Variants in GNAS observed in about 807,000 individuals in gnomAD.
The protein encoded by GNAS is protein ALEX.
A neutral mutation model predicts 54.5 loss-of-function variants in GNAS; 8 were observed. That is an observed-to-expected ratio of 0.15 (90% CI 0.09 to 0.26). The LOEUF (loss-of-function observed/expected upper bound fraction) is 0.26. GNAS is among the 10% of genes least tolerant of loss of function. The pLI is 1.00. For synonymous variants in GNAS, 204 were observed against 191.4 expected, an observed-to-expected ratio of 1.07 and a Z score of -0.54; for missense variants, 170 against 529.8, an observed-to-expected ratio of 0.32 and a Z score of 6.67.
chr20:58,891,905 C>T (rs913501126), intron 1 of GNAS, 40 bp downstream of exon 1: 42 of 995,712 alleles, frequency 4.2e-5, no homozygotes, highest in Admixed American at 1.2e-4. Context: ...GCCCGGGGGC[C>T]CTCGAAGGGC....
intron 1 of GNAS, among the ~76,000 whole-genome samples, chr20:58,845,787 G>A (rs2085920232): frequency 6.6e-6 from 1 of 152,172 alleles, no homozygotes; most frequent in South Asian, 2.1e-4. Flanking sequence ...ACAGCCTAGT[G>A]ACTTAGTTCT....
At chr20:58,895,043 C>G (rs1033791622) in intron 1 of GNAS, 1 of 165,794 alleles carries the variant, frequency 6.0e-6, no homozygotes, top group Admixed American at 5.9e-5. Context: ...TTTTAAGTAG[C>G]CCAAGGGGTA....
intron 6 of GNAS, among the ~76,000 whole-genome samples, chr20:58,908,332 A>C (rs1444034913): frequency 6.6e-6 from 1 of 152,180 alleles, no homozygotes; most frequent in Non-Finnish European, 1.5e-5. Flanking sequence ...TGCTTTTTTT[A>C]ATGAAAAGCG....
intron 1 of GNAS, chr20:58,842,546 C>T (rs1233368429): frequency 1.0e-5 from 4 of 398,488 alleles, no homozygotes; most frequent in South Asian, 1.3e-4. Flanking sequence ...GTGGTCTTCC[C>T]TAGTAAATAC....
At chr20:58,862,381 A>C (rs2086827434) in intron 1 of GNAS, among the ~76,000 whole-genome samples, 1 of 150,698 alleles carries the variant, frequency 6.6e-6, no homozygotes, top group Admixed American at 6.6e-5. Context: ...CTGGTCTTGA[A>C]CTCCTGACCT....
chr20:58,904,128 T>G (rs535088255), intron 5 of GNAS, among the ~76,000 whole-genome samples: 2 of 152,340 alleles, frequency 1.3e-5, no homozygotes, highest in East Asian at 3.9e-4. Context: ...AAAAAGGTCC[T>G]GAGCTATGGC....
chr20:58,899,547 C>T lies in GNAS; in HGVS notation c.257+562C>T, dbSNP rs2090395990. 11 of 539,396 alleles carry T rather than the reference C, an allele frequency of 2.0e-5. 1 individual carries two copies. Among genetic ancestry groups the T allele is most frequent in the Admixed American group, 1.8e-4 (8 of 43,876 alleles). 33.4% of individuals were successfully genotyped at this position (539,396 alleles called of 1,614,324 possible). A position where few individuals can be genotyped will look rare whatever the true frequency, so the allele number is the denominator to read the frequency against. On this transcript the variant is annotated intron_variant, in intron 3 of 12. Coordinates refer to ENST00000371085, the MANE Select transcript of GNAS (RefSeq NM_000516.7). ...ATCAAATTTATTTGAATCAAAGGCACTTTACGTTAGCTTGGTGGATAAGGA... is the reference window on the plus strand; with the variant it reads ...ATCAAATTTATTTGAATCAAAGGCATTTTACGTTAGCTTGGTGGATAAGGA...
intron 1 of GNAS, chr20:58,884,842 T>G (rs1443015363): frequency 6.6e-6 from 1 of 152,242 alleles, no homozygotes. Flanking sequence ...TTGATGTTGA[T>G]GTACCTCAAA....
At chr20:58,902,200 C>T (rs770180460) in intron 3 of GNAS, among the ~76,000 whole-genome samples, 4 of 152,242 alleles carry the variant, frequency 2.6e-5, no homozygotes, top group Non-Finnish European at 4.4e-5. Flanking sequence ...ACGCCCTCAC[C>T]TCCCAGGGCC....
At chr20:58,844,396 G>A (rs996679689) in intron 1 of GNAS, among the ~76,000 whole-genome samples, 2 of 152,168 alleles carry the variant, frequency 1.3e-5, no homozygotes, top group African/African-American at 4.8e-5. Context: ...ATGAGAGATG[G>A]AATTTCTTGT....
intron 2 of GNAS, among the ~76,000 whole-genome samples, chr20:58,896,659 A>C (rs2090090249): frequency 6.6e-6 from 1 of 152,080 alleles, no homozygotes; most frequent in African/African-American, 2.4e-5. Context: ...AAAACAAAAA[A>C]ACTAAGTTGA....
chr20:58,889,782 C>CG (rs1011468584), upstream of GNAS, among the ~76,000 whole-genome samples: 2 of 151,112 alleles, frequency 1.3e-5, no homozygotes, highest in African/African-American at 4.8e-5. Flanking sequence ...GCCAAGCCCC[C>CG]CGACACGGGG....
chr20:58,889,963 C>G (rs999717478), upstream of GNAS, among the ~76,000 whole-genome samples: 3 of 151,490 alleles, frequency 2.0e-5, no homozygotes, highest in African/African-American at 7.3e-5. Flanking sequence ...GAGGTGGCTG[C>G]CGAAGCTGCG....
chr20:58,858,788 C>T lies in GNAS; in HGVS notation c.43+17902C>T, dbSNP rs193133858. On this transcript the variant is annotated intron_variant, in intron 1 of 12. Transcript: ENST00000306090. ...AGAAGCACCTTTTTATTTTTCTTTT[C>T]TCTCTCTCTCTCTCTCTTTTTTAAC... Among the ~76,000 whole-genome samples, 121 of 147,854 alleles carry T rather than the reference C, an allele frequency of 8.2e-4. 2 individuals are homozygous for T. The Middle Eastern group carries it at 0.018, about 22-fold the overall frequency.
intron 2 of GNAS, chr20:58,898,717 G>T: frequency 1.6e-6 from 1 of 627,486 alleles, no homozygotes; most frequent in South Asian, 1.8e-5. Context: ...TGTTAATACT[G>T]CAGCAAAGGT....
intron 1 of GNAS, among the ~76,000 whole-genome samples, chr20:58,858,587 G>A (rs1342361265): frequency 6.6e-6 from 1 of 152,076 alleles, no homozygotes; most frequent in African/African-American, 2.4e-5. Flanking sequence ...GAACTGAATG[G>A]GGCTAATAGA....
At position 58,898,965 on chromosome 20, in the gene GNAS, T is replaced by G. The variant is rs764149201; in HGVS notation, c.237T>G (p.Ala79=). The G allele has an allele frequency of 6.2e-7, 1 of 1,613,888 alleles. No individual in the cohort carries two copies. The highest frequency in any genetic ancestry group is 2.2e-5 in the East Asian group (1 of 44,882). ...GGGGCGGCGAAGAGGACCCGCAGGC[T>G]GCAAGGAGCAACAGCGATGGGTAGG... ...NGEGGEEDPQ[A]ARSNSDGEKA... The change falls in exon 3 of 13, where the codon GCT becomes GCG. Residue 79 remains alanine (A), a synonymous_variant. Coordinates refer to ENST00000371085, the MANE Select transcript of GNAS (RefSeq NM_000516.7).
chr20:58,843,872 A>C (rs904606669), intron 1 of GNAS, among the ~76,000 whole-genome samples: 1 of 152,196 alleles, frequency 6.6e-6, no homozygotes, highest in Non-Finnish European at 1.5e-5. Flanking sequence ...TGTAGGTTTA[A>C]AGTTTTGCAA....
At chr20:58,860,731 G>A (rs903297020) in intron 1 of GNAS, among the ~76,000 whole-genome samples, 2 of 152,128 alleles carry the variant, frequency 1.3e-5, no homozygotes, top group East Asian at 1.9e-4. Context: ...GTACTATCTC[G>A]GCTCACTGCA....
Sources: allele counts gnomAD v4.1 joint callset (sites outside exome capture counted in the v4.1 genomes callset), GRCh38; gene constraint gnomAD v4.1.1; transcripts MANE v1.5; gene names NCBI Gene and HGNC (gene_info 2026-07-23, HGNC 2026-07-21).